The following NAMPT variants were observed in gnomAD, a reference collection of about 807,000 sequenced individuals.
NAMPT encodes nicotinamide phosphoribosyltransferase.
In NAMPT, 7 loss-of-function variants were observed where a neutral mutation model predicts 58.7. The observed-to-expected ratio is 0.12, with a 90% CI of 0.07 to 0.22. The LOEUF (loss-of-function observed/expected upper bound fraction) is 0.22, where lower values mean the gene tolerates loss of function less well. NAMPT is among the 10% of genes least tolerant of loss of function. The pLI, the probability that NAMPT is intolerant of heterozygous loss-of-function variation, is 1.00. For missense variants in NAMPT, 271 were observed against 567.9 expected, an observed-to-expected ratio of 0.48 and a Z score of 5.31; for synonymous variants, 145 against 198.1, an observed-to-expected ratio of 0.73 and a Z score of 2.25.
chr7:106,259,003 G>A (rs1792257903), intron 8 of NAMPT, among the ~76,000 whole-genome samples: 1 of 152,220 alleles, frequency 6.6e-6, no homozygotes, highest in Admixed American at 6.5e-5. Flanking sequence ...AATTGGGAGT[G>A]CATCCTCTCA....
chr7:106,251,633 T>G (rs1177857936), intron 10 of NAMPT, among the ~76,000 whole-genome samples: 1 of 152,022 alleles, frequency 6.6e-6, no homozygotes, highest in Non-Finnish European at 1.5e-5. Flanking sequence ...AATGGAAGTT[T>G]AAGAAATTTG....
chr7:106,257,896 T>TGC (rs1562812761), intron 8 of NAMPT, among the ~76,000 whole-genome samples: 1 of 150,738 alleles, frequency 6.6e-6, no homozygotes, highest in Admixed American at 6.6e-5. Flanking sequence ...GGGGGAGGGG[T>TGC]GTGTGTGTGT....
At chr7:106,280,216 T>G (rs1021678049) in intron 1 of NAMPT, among the ~76,000 whole-genome samples, 1 of 152,114 alleles carries the variant, frequency 6.6e-6, no homozygotes, top group African/African-American at 2.4e-5. Context: ...CCCAGTGTTT[T>G]TGGAGGTAAA....
rs1428834115 is a variant in NAMPT, at chr7:106,248,303, GA to G, written c.*2779del. Reference sequence around the variant, plus strand: ...ACACAAATTTAACACTTCACTAATAGAGCTAAACTTTATTTCCATGTTTATT... The same window carrying G: ...ACACAAATTTAACACTTCACTAATAGGCTAAACTTTATTTCCATGTTTATT... On this transcript the variant is annotated 3_prime_UTR_variant, in exon 11 of 11. Coordinates refer to ENST00000222553, the MANE Select transcript of NAMPT (RefSeq NM_005746.3). The G allele has an allele frequency of 6.6e-6, 1 of 152,476 alleles. No homozygotes were observed. Among genetic ancestry groups the G allele is most frequent in the Admixed American group, 6.6e-5 (1 of 15,226 alleles). The allele number at this position is 152,476 out of a possible 1,614,324, so 9.4% of individuals were successfully genotyped here. A position where few individuals can be genotyped will look rare whatever the true frequency, so the allele number is the denominator to read the frequency against.
chr7:106,285,209 G>GGAGGC (rs2115856570), upstream of NAMPT: 3 of 607,834 alleles, frequency 4.9e-6, no homozygotes, highest in African/African-American at 4.1e-5. Flanking sequence ...CGCAGTGCGC[G>GGAGGC]GAGGCGGGGC....
chr7:106,270,873 A>G (rs532949400), intron 4 of NAMPT, among the ~76,000 whole-genome samples: 1 of 152,356 alleles, frequency 6.6e-6, no homozygotes, highest in South Asian at 2.1e-4. Context: ...GAGAAATAAT[A>G]GTTGCTTTAA....
intron 3 of NAMPT, among the ~76,000 whole-genome samples, chr7:106,272,935 C>CTCA (rs149018623): frequency 6.6e-6 from 1 of 152,176 alleles, no homozygotes; most frequent in South Asian, 2.1e-4. Flanking sequence ...AAATTCCAAA[C>CTCA]TCATCAAAAC....
intron 1 of NAMPT, 160 bp downstream of exon 1, chr7:106,284,668 C>T: frequency 3.4e-6 from 3 of 876,990 alleles, no homozygotes; most frequent in South Asian, 1.1e-4. Context: ...CCTCACCTGC[C>T]CCAGCCGCCG....
At chr7:106,284,739 CCCCAG>C in intron 1 of NAMPT, 84 bp downstream of exon 1, 3 of 252,588 alleles carry the variant, frequency 1.2e-5, no homozygotes, top group Non-Finnish European at 1.5e-5. Flanking sequence ...CCAGCCCCAA[CCCCAG>C]CCCCAGCCGC....
At chr7:106,281,888 A>C (rs1283909348) in intron 1 of NAMPT, among the ~76,000 whole-genome samples, 1 of 152,212 alleles carries the variant, frequency 6.6e-6, no homozygotes, top group East Asian at 1.9e-4. Context: ...AGATTTCATT[A>C]ACTCACAACG....
chr7:106,275,558 G>A (rs1792620059), intron 2 of NAMPT: 1 of 152,410 alleles, frequency 6.6e-6, no homozygotes, highest in Admixed American at 6.5e-5. Context: ...ATGTTTGTGA[G>A]GACAAAATGA....
chr7:106,271,978 A>G (rs1792542985), intron 4 of NAMPT: 1 of 220,086 alleles, frequency 4.5e-6, no homozygotes, highest in South Asian at 5.8e-5. Flanking sequence ...AAACAAAAAA[A>G]AGGCTCGCAG....
intron 8 of NAMPT, among the ~76,000 whole-genome samples, chr7:106,257,031 C>A (rs1400991779): frequency 3.3e-5 from 5 of 151,976 alleles, no homozygotes; most frequent in Non-Finnish European, 7.4e-5. Context: ...CAAAAAGTAG[C>A]CGGGCGTGGT....
upstream of NAMPT, chr7:106,285,141 C>G: frequency 7.8e-7 from 1 of 1,278,006 alleles, no homozygotes; most frequent in Non-Finnish European, 9.9e-7. Context: ...TCGGTTCCCC[C>G]GCCTTCACCC....
In NAMPT at chr7:106,267,872, A is replaced by AAAAAAAAAAAAAAC. The variant is rs1562815992; in HGVS notation, c.743+591_743+592insGTTTTTTTTTTTTT. 1.4e-4 allele frequency among the ~76,000 whole-genome samples: 19 copies of AAAAAAAAAAAAAAC among 136,276 alleles called. 1 individual carries two copies. Among genetic ancestry groups the AAAAAAAAAAAAAAC allele is most frequent in the African/African-American group, 5.2e-4 (18 of 34,528 alleles). The allele number at this position is 136,276 out of a possible 152,430, so 89.4% of individuals were successfully genotyped here. A position where few individuals can be genotyped will look rare whatever the true frequency, so the allele number is the denominator to read the frequency against. ...AAAAAAAAAAAAAAAAAAAAAAAAAAAAAACAACCTGATTTACTTTTAATA... is the reference window on the plus strand; with the variant it reads ...AAAAAAAAAAAAAAAAAAAAAAAAAAAAAAAAAAAAAAACAAAACAACCTGATTTACTTTTAATA... On this transcript the variant is annotated intron_variant, in intron 6 of 10. Coordinates refer to ENST00000222553, the MANE Select transcript of NAMPT (RefSeq NM_005746.3).
At chr7:106,264,228 G>A (rs747285630) in intron 6 of NAMPT, among the ~76,000 whole-genome samples, 8 of 151,884 alleles carry the variant, frequency 5.3e-5, no homozygotes, top group East Asian at 1.9e-4. Context: ...TATCTACTAC[G>A]AATTAATATA....
At chr7:106,276,805 G>C (rs1792655521) in intron 2 of NAMPT, 1 of 434,646 alleles carries the variant, frequency 2.3e-6, no homozygotes, top group African/African-American at 2.0e-5. Context: ...TCATGCCATT[G>C]CACTCCAGCC....
chr7:106,283,197 T>A (rs1349361279), intron 1 of NAMPT, among the ~76,000 whole-genome samples: 1 of 152,142 alleles, frequency 6.6e-6, no homozygotes, highest in Admixed American at 6.5e-5. Flanking sequence ...GACTTGAAAG[T>A]TGACAGAAGT....
chr7:106,276,729 C>CTACTCGGGAGGCAGAG (rs1792652908), intron 2 of NAMPT: 1 of 296,296 alleles, frequency 3.4e-6, no homozygotes, highest in South Asian at 3.3e-5. Flanking sequence ...GTAATCCCAT[C>CTACTCGGGAGGCAGAG]TACTCGGGAG....
Sources: allele counts gnomAD v4.1 joint callset (sites outside exome capture counted in the v4.1 genomes callset), GRCh38; gene constraint gnomAD v4.1.1; transcripts MANE v1.5; gene names NCBI Gene and HGNC (gene_info 2026-07-23, HGNC 2026-07-21).